The following BEND4 variants were observed in gnomAD, a reference collection of about 807,000 sequenced individuals.
The protein encoded by BEND4 is BEN domain containing 4, also known as BEN domain-containing protein 4.
Under a neutral mutation model 54.7 loss-of-function variants are expected in BEND4, and 27 were observed. The observed-to-expected ratio is 0.49, with a 90% CI of 0.36 to 0.68. The LOEUF is 0.68. Among genes scored for constraint, BEND4 ranks in the 30% least tolerant of loss-of-function variants. The pLI, the probability that BEND4 is intolerant of heterozygous loss-of-function variation, is 0.00. For missense variants in BEND4, 702 were observed against 697.2 expected, an observed-to-expected ratio of 1.01 and a Z score of -0.08; for synonymous variants, 327 against 299.5, an observed-to-expected ratio of 1.09 and a Z score of -0.95.
intron 3 of BEND4, among the ~76,000 whole-genome samples, chr4:42,141,816 A>T (rs1720895847): frequency 6.6e-6 from 1 of 152,192 alleles, no homozygotes; most frequent in Non-Finnish European, 1.5e-5. Flanking sequence ...AAAATTTCTT[A>T]TGTATGATTT....
chr4:42,152,018 C>T lies in BEND4; in HGVS notation c.126G>A (p.Glu42=), dbSNP rs368416318. 1.2e-4 allele frequency: 152 copies of T among 1,253,136 alleles called. 1 individual carries two copies. Among genetic ancestry groups the T allele is most frequent in the Non-Finnish European group, 1.8e-5 (18 of 992,922 alleles). The allele number at this position is 1,253,136 out of a possible 1,614,324, so 77.6% of individuals were successfully genotyped here. Residue 42 remains glutamate, a synonymous_variant, in exon 2 of 6, where the codon GAG becomes GAA. Transcript: ENST00000502486. ...SKRPALAKRY[E]RPTLVELPHV... The stretch of plus-strand genomic sequence containing the variant: ...GCGGCAGCTCCACCAGGGTGGGTCG[C>T]TCGTAGCGCTTGGCCAGCGCCGGTC...
Position 42,152,145 on chromosome 4 carries a change from C to T in BEND4, c.-2G>A, listed in dbSNP as rs1484106118. 9 of 1,242,740 alleles carry T rather than the reference C, an allele frequency of 7.2e-6. No individual in the cohort carries two copies. Among genetic ancestry groups the T allele is most frequent in the Non-Finnish European group, 8.1e-6 (8 of 985,184 alleles). 77.0% of individuals were successfully genotyped at this position (1,242,740 alleles called of 1,614,324 possible). On this transcript the variant is annotated 5_prime_UTR_variant, in exon 2 of 6. Coordinates refer to ENST00000502486, the MANE Select transcript of BEND4 (RefSeq NM_207406.4). The stretch of plus-strand genomic sequence containing the variant: ...TGCCGGCTGCATCTCTTCCTCCATC[C>T]GGCGCCTCGGGGCCGGTCCCTCGGA...
intron 3 of BEND4, among the ~76,000 whole-genome samples, chr4:42,137,191 C>A (rs1720726734): frequency 6.6e-6 from 1 of 152,046 alleles, no homozygotes; most frequent in East Asian, 1.9e-4. Context: ...TTTGCTGTGG[C>A]CCCATGGAGT....
chr4:42,138,373 C>A (rs116173253), intron 3 of BEND4, among the ~76,000 whole-genome samples: 24,201 of 152,016 alleles, frequency 0.16, 2,002 homozygotes, highest in Non-Finnish European at 0.19. Context: ...AAAATAAATT[C>A]AAATTCAAAT....
chr4:42,117,527 A>G lies in BEND4; in HGVS notation c.1596T>C (p.Ser532=), dbSNP rs754408312. The G allele has an allele frequency of 6.2e-7, 1 of 1,609,214 alleles. No homozygotes were observed. ...AGGAAGATTCTGTCCACTAATCCCC[A>G]GATCCATCCTGGGAACTTTTATTGA... ...EVFNKSSQDG[S]GD is the part of the protein sequence containing the mutation. Residue 532 remains serine, a synonymous_variant, in exon 6 of 6, where the codon TCT becomes TCC. Coordinates refer to ENST00000502486, the MANE Select transcript of BEND4 (RefSeq NM_207406.4).
chr4:42,120,156 T>C lies in BEND4; in HGVS notation c.1285A>G (p.Lys429Glu). 2 of 1,613,996 alleles carry C rather than the reference T, an allele frequency of 1.2e-6. No homozygotes were observed. Among genetic ancestry groups the C allele is most frequent in the Non-Finnish European group, 1.7e-6 (2 of 1,179,890 alleles). ...IRFVFTTDEL[K>E]YSCGLGKRKR... is the part of the protein sequence containing the mutation. ...CTTTTCCCAAGGCCGCATGAGTACT[T>C]AAGCTCATCGGTTGTGAAAACAAAT... The change falls in exon 5 of 6, where the codon AAG (lysine) becomes GAG (glutamate). Residue 429 changes from lysine (K) to glutamate (E), a missense_variant. By Grantham distance (56) the Lys-to-Glu change is moderately conservative. Transcript: ENST00000502486.
intron 3 of BEND4, among the ~76,000 whole-genome samples, chr4:42,142,078 T>C (rs1720907639): frequency 6.6e-6 from 1 of 151,588 alleles, no homozygotes; most frequent in Non-Finnish European, 1.5e-5. Context: ...GACTTTTGTG[T>C]ATTTTTTTAG....
chr4:42,141,115 T>C (rs6826469), intron 3 of BEND4, among the ~76,000 whole-genome samples: 134 of 152,292 alleles, frequency 8.8e-4, no homozygotes, highest in African/African-American at 2.7e-3. Context: ...TTCTACCCAG[T>C]GTCTGTCTTG....
intron 4 of BEND4, among the ~76,000 whole-genome samples, 174 bp downstream of exon 4, chr4:42,125,409 G>C (rs940102460): frequency 3.9e-5 from 6 of 152,234 alleles, no homozygotes; most frequent in Admixed American, 3.9e-4. Flanking sequence ...AATCTCTGTA[G>C]TTAAATACAT....
Position 42,151,914 on chromosome 4 carries a change from G to A in BEND4, c.230C>T (p.Pro77Leu). 1.6e-6 allele frequency: 2 copies of A among 1,255,694 alleles called. No homozygotes were observed. Among genetic ancestry groups the A allele is most frequent in the East Asian group, 3.2e-5 (1 of 31,406 alleles). The allele number at this position is 1,255,694 out of a possible 1,614,324, so 77.8% of individuals were successfully genotyped here. Reference protein sequence around the residue: ...AVSISSSEPPPQQFQAQSSYP... With the variant: ...AVSISSSEPPLQQFQAQSSYP... The stretch of plus-strand genomic sequence containing the variant: ...GGAGCTCTGCGCCTGGAACTGCTGC[G>A]GCGGCGGCTCGCTGCTGCTGATGGA... The change falls in exon 2 of 6, where the codon CCG (proline) becomes CTG (leucine). Residue 77 changes from proline to leucine, a missense_variant. By Grantham distance (98) the Pro-to-Leu change is moderately conservative (BLOSUM62 -3). Transcript: ENST00000502486.
chr4:42,142,606 C>T (rs1186863852), intron 3 of BEND4, among the ~76,000 whole-genome samples: 3 of 141,966 alleles, frequency 2.1e-5, no homozygotes, highest in African/African-American at 8.0e-5. Flanking sequence ...GTACTCCAGA[C>T]TCAGTGACAG....
At position 42,120,306 on chromosome 4, in the gene BEND4, A is replaced by T. The variant is rs747365753; in HGVS notation, c.1147-12T>A. 2 of 1,592,244 alleles carry T rather than the reference A, an allele frequency of 1.3e-6. No individual in the cohort carries two copies. Among genetic ancestry groups the T allele is most frequent in the Non-Finnish European group, 1.7e-6 (2 of 1,162,212 alleles). On this transcript the variant is annotated splice_polypyrimidine_tract_variant and intron_variant, in intron 4 of 5. Transcript: ENST00000502486. ...AGCTGCTTGCTTCCCTGGAAAAGCG[A>T]AATATTTTCTCATTACCCACCGAGC...
At chr4:42,137,324 T>A (rs1244113133) in intron 3 of BEND4, among the ~76,000 whole-genome samples, 1 of 152,132 alleles carries the variant, frequency 6.6e-6, no homozygotes, top group South Asian at 2.1e-4. Context: ...TGCAAAAGAA[T>A]GAAATTAGAC....
At chr4:42,125,028 A>G (rs767367408) in intron 4 of BEND4, among the ~76,000 whole-genome samples, 23 of 152,226 alleles carry the variant, frequency 1.5e-4, no homozygotes, top group Non-Finnish European at 2.5e-4. Context: ...TCTCGTATGA[A>G]AGTCATATAT....
intron 3 of BEND4, among the ~76,000 whole-genome samples, chr4:42,132,530 C>T (rs1428472450): frequency 1.3e-5 from 2 of 152,068 alleles, no homozygotes; most frequent in Admixed American, 6.5e-5. Flanking sequence ...CTGCAACCTC[C>T]GCCTCCCAGG....
At chr4:42,123,694 G>GAAAAAAAAAAAAAAAAAAA (rs71664396) in intron 4 of BEND4, among the ~76,000 whole-genome samples, 1 of 50,802 alleles carries the variant, frequency 2.0e-5, no homozygotes, top group African/African-American at 7.5e-5. Flanking sequence ...CTGTAATTCA[G>GAAAAAAAAAAAAAAAAAAA]AAAAAAAAAA....
chr4:42,121,073 A>C (rs1382141522), intron 4 of BEND4, among the ~76,000 whole-genome samples: 2 of 152,192 alleles, frequency 1.3e-5, no homozygotes, highest in Non-Finnish European at 2.9e-5. Flanking sequence ...TGTCCATAAA[A>C]TTCTACAGTC....
rs1721318651 is a variant in BEND4 at position 42,152,037 on chromosome 4, G to A, written c.107C>T (p.Ala36Val). The change falls in exon 2 of 6, where the codon GCG (alanine) becomes GTG (valine). Residue 36 changes from alanine to valine, a missense_variant. Transcript: ENST00000502486. The part of the protein sequence containing the change: ...VLKTFPSKRP[A>V]LAKRYERPTL... ...GGGTCGCTCGTAGCGCTTGGCCAGC[G>A]CCGGTCTCTTGCTGGGGAACGTCTT... The A allele has an allele frequency of 4.8e-6, 6 of 1,251,872 alleles. No individual in the cohort carries two copies. In the East Asian group the frequency reaches 1.9e-4, roughly 40 times the overall value. 77.5% of individuals were successfully genotyped at this position (1,251,872 alleles called of 1,614,324 possible). A position where few individuals can be genotyped will look rare whatever the true frequency, so the allele number is the denominator to read the frequency against.
At position 42,120,035 on chromosome 4, in the gene BEND4, G is replaced by A; in HGVS notation, c.1387+19C>T. 1 of 1,613,832 alleles carries A rather than the reference G, an allele frequency of 6.2e-7. No homozygotes were observed. The highest frequency in any genetic ancestry group is 2.2e-5 in the East Asian group (1 of 44,882). The stretch of plus-strand genomic sequence containing the variant: ...AAATGAGATCACAGATGGTGACACT[G>A]AGCGGAAGGATGCAGTACCTCGGAG... On this transcript the variant is annotated intron_variant, in intron 5 of 5. Transcript: ENST00000502486.
Sources: allele counts gnomAD v4.1 joint callset (sites outside exome capture counted in the v4.1 genomes callset), GRCh38; gene constraint gnomAD v4.1.1; transcripts MANE v1.5; gene names NCBI Gene and HGNC (gene_info 2026-07-23, HGNC 2026-07-21).